The following TEX10 variants were observed in gnomAD, a reference collection of about 807,000 sequenced individuals.
TEX10 encodes testis-expressed protein 10.
A neutral mutation model predicts 104.4 loss-of-function variants in TEX10; 24 were observed. The ratio of observed to expected loss-of-function variants is 0.23; its 90% CI spans 0.17 to 0.32. TEX10 has a LOEUF of 0.32. Ranked by LOEUF, TEX10 falls within the 10% of genes least tolerant of loss-of-function variation. The pLI, the probability that TEX10 is intolerant of heterozygous loss-of-function variation, is 1.00. For synonymous variants in TEX10, 396 were observed against 393.4 expected (o/e 1.01, Z -0.08); for missense variants, 921 against 1,083.9 (o/e 0.85, Z 2.11).
At chr9:100,318,336 C>A (rs1465865569) in intron 11 of TEX10, among the ~76,000 whole-genome samples, 2 of 152,142 alleles carry the variant, frequency 1.3e-5, no homozygotes, top group Non-Finnish European at 2.9e-5. Context: ...AACGGAAGGC[C>A]ATTATCTTAA....
At chr9:100,334,396 T>A (rs1390870671) in intron 5 of TEX10, among the ~76,000 whole-genome samples, 1 of 152,176 alleles carries the variant, frequency 6.6e-6, no homozygotes, top group Non-Finnish European at 1.5e-5. Context: ...ATCTATAATA[T>A]TAACCCTGCT....
intron 5 of TEX10, among the ~76,000 whole-genome samples, chr9:100,333,754 G>GT (rs758223514): frequency 6.6e-6 from 1 of 151,620 alleles, no homozygotes; most frequent in Non-Finnish European, 1.5e-5. Context: ...AAGATAAGAT[G>GT]GTATTGGTGA....
At chr9:100,327,237 T>C (rs1458020129) in intron 8 of TEX10, among the ~76,000 whole-genome samples, 1 of 152,134 alleles carries the variant, frequency 6.6e-6, no homozygotes, top group Non-Finnish European at 1.5e-5. Flanking sequence ...AAAAATGTTT[T>C]AGAATTAGAC....
At chr9:100,327,696 A>G in intron 8 of TEX10, 91 bp downstream of exon 8, 1 of 1,078,320 alleles carries the variant, frequency 9.3e-7, no homozygotes, top group Non-Finnish European at 1.3e-6. Flanking sequence ...ACTAAGGGAA[A>G]GGCAAAATTA....
At chr9:100,331,583 G>C (rs1024942427) in intron 5 of TEX10, among the ~76,000 whole-genome samples, 3 of 152,160 alleles carry the variant, frequency 2.0e-5, no homozygotes, top group Non-Finnish European at 4.4e-5. Context: ...GGAAATAAAA[G>C]AAATCTGGCA....
At position 100,352,780 on chromosome 9, in the gene TEX10, C is replaced by T. The variant is rs1835495582; in HGVS notation, c.-18G>A. ...GGGCGACGGCCGCTTACCTGAGGAC[C>T]CGGCCGCGGCCGGGGCGAGAAGCCC... On this transcript the variant is annotated 5_prime_UTR_variant, in exon 1 of 15. Coordinates refer to ENST00000374902, the MANE Select transcript of TEX10 (RefSeq NM_017746.4). 9.2e-7 allele frequency: 1 copy of T among 1,089,430 alleles called. No individual in the cohort carries two copies. Among genetic ancestry groups the T allele is most frequent in the Non-Finnish European group, 1.1e-6 (1 of 898,902 alleles). The allele number at this position is 1,089,430 out of a possible 1,614,324, so 67.5% of individuals were successfully genotyped here. A position where few individuals can be genotyped will look rare whatever the true frequency, so the allele number is the denominator to read the frequency against.
chr9:100,327,672 T>C, intron 8 of TEX10, 115 bp downstream of exon 8: 1 of 626,750 alleles, frequency 1.6e-6, no homozygotes, highest in Non-Finnish European at 2.5e-6. Context: ...TTAACCATGG[T>C]ATTACTAATT....
intron 4 of TEX10, among the ~76,000 whole-genome samples, chr9:100,344,368 G>C (rs145655365): frequency 9.1e-4 from 139 of 152,282 alleles, no homozygotes; most frequent in African/African-American, 3.2e-3. Context: ...TCCTTTGTTA[G>C]TGTTATCCAG....
At chr9:100,318,390 G>A (rs1016338202) in intron 11 of TEX10, among the ~76,000 whole-genome samples, 3 of 152,182 alleles carry the variant, frequency 2.0e-5, no homozygotes, top group African/African-American at 7.2e-5. Context: ...ATTCTTGCTT[G>A]TAAGTGGGAG....
At chr9:100,318,586 C>T (rs780004709) in intron 11 of TEX10, among the ~76,000 whole-genome samples, 7 of 152,146 alleles carry the variant, frequency 4.6e-5, no homozygotes, top group Admixed American at 1.3e-4. Context: ...AACAAAACTG[C>T]ATTTGTACCC....
chr9:100,316,956 C>T (rs1030563319), intron 11 of TEX10, among the ~76,000 whole-genome samples: 11 of 119,232 alleles, frequency 9.2e-5, no homozygotes, highest in African/African-American at 3.5e-4. Context: ...AAGAGCTCTA[C>T]AAAGAGAACT....
chr9:100,331,961 T>C (rs941947631), intron 5 of TEX10, among the ~76,000 whole-genome samples: 2 of 152,172 alleles, frequency 1.3e-5, no homozygotes, highest in Non-Finnish European at 2.9e-5. Flanking sequence ...GGAGTAATCA[T>C]TAAGGGTTCT....
intron 9 of TEX10, 97 bp from the exon 10 acceptor site, chr9:100,321,868 CA>C: frequency 1.2e-6 from 1 of 849,930 alleles, no homozygotes; most frequent in Non-Finnish European, 1.8e-6. Flanking sequence ...TTACTGAAAA[CA>C]AGTTTGATTT....
At chr9:100,330,710 C>CA (rs929041284) in intron 5 of TEX10, among the ~76,000 whole-genome samples, 3 of 152,132 alleles carry the variant, frequency 2.0e-5, no homozygotes, top group Admixed American at 2.0e-4. Flanking sequence ...AACACAATTT[C>CA]AAAAAATCTA....
Position 100,349,318 on chromosome 9 carries a change from A to T in TEX10, c.46T>A (p.Leu16Met). The T allele has an allele frequency of 6.3e-7, 1 of 1,598,072 alleles. No individual in the cohort carries two copies. Among genetic ancestry groups the T allele is most frequent in the Non-Finnish European group, 8.5e-7 (1 of 1,175,808 alleles). ...KRQHDFQKVKLKVGKKKPKLQ... is the reference protein window; with the variant it reads ...KRQHDFQKVKMKVGKKKPKLQ... ...TTGGGCTTCTTTTTACCAACTTTCA[A>T]TTTTACTTTTTGAAAATCATGTTGG... Residue 16 changes from leucine (L) to methionine (M), a missense_variant, in exon 2 of 15, where the codon TTG (leucine) becomes ATG (methionine). By Grantham distance (15) the Leu-to-Met change is conservative. Transcript: ENST00000374902.
intron 11 of TEX10, among the ~76,000 whole-genome samples, chr9:100,316,007 TC>T (rs1304093515): frequency 6.6e-6 from 1 of 152,232 alleles, no homozygotes; most frequent in African/African-American, 2.4e-5. Context: ...AAACTTTAAA[TC>T]TTTCTTCCCC....
intron 8 of TEX10, 120 bp downstream of exon 8, chr9:100,327,667 C>A: frequency 1.7e-6 from 1 of 598,282 alleles, no homozygotes; most frequent in South Asian, 6.0e-5. Flanking sequence ...GCAATTTAAC[C>A]ATGGTATTAC....
At chr9:100,307,274 T>C (rs150039710) in intron 13 of TEX10, 68 of 152,360 alleles carry the variant, frequency 4.5e-4, no homozygotes, top group African/African-American at 1.6e-3. Flanking sequence ...GGTAAGTATT[T>C]GTAAATAGTT....
chr9:100,317,268 A>T (rs1200387897), intron 11 of TEX10, among the ~76,000 whole-genome samples: 1 of 152,212 alleles, frequency 6.6e-6, no homozygotes, highest in Non-Finnish European at 1.5e-5. Flanking sequence ...TGTAGTAAAC[A>T]CAACAACATG....
Sources: allele counts gnomAD v4.1 joint callset (sites outside exome capture counted in the v4.1 genomes callset), GRCh38; gene constraint gnomAD v4.1.1; transcripts MANE v1.5; gene names NCBI Gene and HGNC (gene_info 2026-07-23, HGNC 2026-07-21).